The following IRAG2 variants were observed in gnomAD, a reference collection of about 807,000 sequenced individuals.
The protein encoded by IRAG2 is inositol 1,4,5-triphosphate receptor associated 2, also known as lymphoid restricted membrane protein.
A neutral mutation model predicts 69.9 loss-of-function variants in IRAG2; 45 were observed. The ratio of observed to expected loss-of-function variants is 0.64; its 90% confidence interval spans 0.51 to 0.83. IRAG2 has a LOEUF of 0.83. IRAG2 is among the 40% of genes least tolerant of loss of function. The pLI is 0.00. For synonymous variants in IRAG2, 193 were observed against 202.4 expected (o/e 0.95, Z 0.40); for missense variants, 520 against 587.0 (o/e 0.89, Z 1.18).
chr12:25,096,883 T>A (rs1298123432), intron 14 of IRAG2, 27 bp from the exon 15 acceptor site: 6 of 1,583,604 alleles, frequency 3.8e-6, no homozygotes, highest in Non-Finnish European at 4.3e-6. Context: ...GTGTTAGATA[T>A]CTTTTAATAT....
intron 14 of IRAG2, among the ~76,000 whole-genome samples, chr12:25,092,137 C>T (rs1023497328): frequency 6.6e-6 from 1 of 150,958 alleles, no homozygotes; most frequent in Non-Finnish European, 1.5e-5. Context: ...TGGTAGCGGG[C>T]GTCTGTAGTC....
At chr12:25,037,951 T>C (rs1944714875) in intron 15 of IRAG2, 1 of 398,754 alleles carries the variant, frequency 2.5e-6, no homozygotes. Context: ...GTACTGGGGT[T>C]TGTTTTGTGA....
chr12:25,061,769 T>C lies in IRAG2; in HGVS notation c.-385+116T>C, dbSNP rs1336235961. On this transcript the variant is annotated intron_variant, in intron 2 of 21. Coordinates refer to ENST00000556887, the MANE Select transcript of IRAG2 (RefSeq NM_001366544.2). ...TTTAATCATTAAATTAAATAACCAGTTTAGAAGAAAATGTTTTGGTGGACT... is the reference window on the plus strand; with the variant it reads ...TTTAATCATTAAATTAAATAACCAGCTTAGAAGAAAATGTTTTGGTGGACT... 3 of 395,738 alleles carry C rather than the reference T, an allele frequency of 7.6e-6. No individual in the cohort carries two copies. The East Asian group carries it at 1.1e-4, about 14-fold the overall frequency. 24.5% of individuals were successfully genotyped at this position (395,738 alleles called of 1,614,324 possible).
exon 16 of IRAG2, chr12:25,038,014 T>A (rs904668872): frequency 5.0e-6 from 2 of 398,806 alleles, no homozygotes; most frequent in Non-Finnish European, 8.8e-6. Flanking sequence ...GATCTTTGCA[T>A]ATTAATGCTG....
At chr12:25,060,527 CA>C (rs1945551338) in intron 1 of IRAG2, among the ~76,000 whole-genome samples, 1 of 151,996 alleles carries the variant, frequency 6.6e-6, no homozygotes, top group African/African-American at 2.4e-5. Flanking sequence ...GTCTGCACAT[CA>C]GTGTTCTCAT....
In IRAG2 at chr12:25,069,370, G is replaced by A. The variant is rs1242427812; in HGVS notation, c.-38G>A. On this transcript the variant is annotated 5_prime_UTR_variant, in exon 6 of 22. Transcript: ENST00000556887. Reference sequence around the variant, plus strand: ...GCCAGGTGCCCAGGCCCCACAAGTGGCCCCAGCCCAGGAACGAATCTCTCA... The same window carrying A: ...GCCAGGTGCCCAGGCCCCACAAGTGACCCCAGCCCAGGAACGAATCTCTCA... The A allele has an allele frequency of 6.2e-7, 1 of 1,606,920 alleles. No homozygotes were observed.
At chr12:25,024,249 C>T (rs922113718) in intron 8 of IRAG2, among the ~76,000 whole-genome samples, 5 of 152,118 alleles carry the variant, frequency 3.3e-5, no homozygotes, top group African/African-American at 7.2e-5. Context: ...TTCCATTGAA[C>T]AAAGTGGCAA....
intron 6 of IRAG2, among the ~76,000 whole-genome samples, chr12:25,074,038 T>C (rs1946504721): frequency 6.6e-6 from 1 of 152,228 alleles, no homozygotes; most frequent in Non-Finnish European, 1.5e-5. Context: ...GAAGCACATC[T>C]AGATTGAAGA....
At position 25,104,008 on chromosome 12, in the gene IRAG2, G is replaced by C. The variant is rs1565592711; in HGVS notation, c.997-1G>C. ...TTTTAACATTTGAACTTCTACTAAA[G>C]GTGGCTGGGATGGAAAATAATGATC... On this transcript the variant is annotated splice_acceptor_variant, in intron 18 of 21. Coordinates refer to ENST00000556887, the MANE Select transcript of IRAG2 (RefSeq NM_001366544.2). LOFTEE classifies it high-confidence loss of function. The C allele has an allele frequency of 6.2e-7, 1 of 1,613,200 alleles. No homozygotes were observed. The highest frequency in any genetic ancestry group is 8.5e-7 in the Non-Finnish European group (1 of 1,179,464).
At chr12:25,059,107 C>T (rs11047795) in intron 1 of IRAG2, among the ~76,000 whole-genome samples, 16,312 of 152,128 alleles carry the variant, frequency 0.11, 1,408 homozygotes, top group East Asian at 0.3. Flanking sequence ...TTCTGAAACA[C>T]GGCTTCATTG....
chr12:25,025,958 G>T lies in IRAG2; in HGVS notation c.1384-831G>T, dbSNP rs370049970. On this transcript the variant is annotated intron_variant, in intron 8 of 38. Transcript: ENST00000636465. ...GGGGTTCGAAAATTTTTTGTAAAGG[G>T]CCTGATTGTAAATATTTTTAGGCTT... is the stretch of plus-strand genomic sequence containing the variant. Among the ~76,000 whole-genome samples the T allele has an allele frequency of 3.3e-5, 5 of 152,112 alleles. No homozygotes were observed. The East Asian group carries it at 5.8e-4, about 18-fold the overall frequency.
chr12:25,052,696 A>G (rs1944914625), upstream of IRAG2: 1 of 397,816 alleles, frequency 2.5e-6, no homozygotes, highest in Admixed American at 4.4e-5. Context: ...GAGAAGAAAA[A>G]CACATTTTCA....
intron 8 of IRAG2, among the ~76,000 whole-genome samples, chr12:25,025,747 T>C (rs1944616562): frequency 6.6e-6 from 1 of 152,138 alleles, no homozygotes; most frequent in African/African-American, 2.4e-5. Context: ...TGGACAGAAG[T>C]GTTTGGATCA....
At chr12:25,089,493 C>T (rs1407787467) in intron 11 of IRAG2, 121 bp from the exon 12 acceptor site, 7 of 597,186 alleles carry the variant, frequency 1.2e-5, no homozygotes, top group South Asian at 7.1e-5. Flanking sequence ...TATTAGCTGG[C>T]GATCATCTCA....
intron 9 of IRAG2, among the ~76,000 whole-genome samples, chr12:25,080,368 T>TTTC (rs201082420): frequency 3.3e-5 from 5 of 151,594 alleles, no homozygotes; most frequent in African/African-American, 1.2e-4. Context: ...TTTTTTTTTT[T>TTTC]TGAGACGGAG....
chr12:24,999,132 A>G, the IRAG2 span, among the ~76,000 whole-genome samples: 1 of 152,240 alleles, frequency 6.6e-6, no homozygotes, highest in Non-Finnish European at 1.5e-5. Context: ...CTAAAGAATA[A>G]GAAATATTGT....
chr12:25,037,408 C>G (rs1374896667), intron 15 of IRAG2, among the ~76,000 whole-genome samples: 2 of 152,100 alleles, frequency 1.3e-5, no homozygotes, highest in Non-Finnish European at 2.9e-5. Context: ...AAGTGATTCT[C>G]CTGCCTCAGA....
At chr12:25,023,880 A>G in exon 8 of IRAG2, 1 of 1,227,218 alleles carries the variant, frequency 8.1e-7, no homozygotes, top group African/African-American at 1.6e-5. Context: ...GGAGACAGAA[A>G]ACCGGGCTCT....
chr12:25,084,153 C>A (rs1435450797), intron 10 of IRAG2, among the ~76,000 whole-genome samples: 2 of 152,082 alleles, frequency 1.3e-5, no homozygotes, highest in African/African-American at 4.8e-5. Flanking sequence ...TTTGAGAGAT[C>A]GAGGTGGAAG....
Sources: gnomAD v4.1 joint callset for allele counts (sites outside exome capture counted in the v4.1 genomes callset) on GRCh38, gnomAD v4.1.1 for gene constraint, MANE v1.5 for transcripts, NCBI Gene and HGNC (gene_info 2026-07-23, HGNC 2026-07-21) for gene names.